LRRC28: variants seen among roughly 807,000 people sequenced by gnomAD.
LRRC28 encodes the protein leucine rich repeat containing 28, also known as leucine-rich repeat-containing protein 28.
LRRC28 carries 39 observed loss-of-function variants against 45.7 expected under a neutral mutation model. The observed-to-expected ratio is 0.85, with a 90% CI of 0.66 to 1.12. The LOEUF (loss-of-function observed/expected upper bound fraction) is 1.12, where lower values mean the gene tolerates loss of function less well. LRRC28 is among the 50% of genes most tolerant of loss of function. The pLI is 0.00. For synonymous variants in LRRC28, 206 were observed against 178.8 expected, an observed-to-expected ratio of 1.15 and a Z score of -1.22; for missense variants, 435 against 438.5, an observed-to-expected ratio of 0.99 and a Z score of 0.07.
At chr15:99,338,955 CA>C (rs1474341821) in intron 6 of LRRC28, among the ~76,000 whole-genome samples, 2 of 152,122 alleles carry the variant, frequency 1.3e-5, no homozygotes, top group Non-Finnish European at 2.9e-5. Context: ...GAAGATTCTA[CA>C]GATAGAAGCT....
At position 99,347,241 on chromosome 15, in the gene LRRC28, C is replaced by G. The variant is rs375860200; in HGVS notation, c.593-5128C>G. ...TTTGTCTTTTTTTAGATGGAGTCTC[C>G]CTCTGTCACCCAGGCTGGAGTGCAG... On this transcript the variant is annotated intron_variant, in intron 6 of 9. Transcript: ENST00000301981. Among the ~76,000 whole-genome samples the G allele has an allele frequency of 1.1e-3, 160 of 151,570 alleles. 2 individuals carry two copies. The East Asian group carries it at 0.015, about 14-fold the overall frequency.
At chr15:99,367,059 A>G (rs952006567) in intron 9 of LRRC28, among the ~76,000 whole-genome samples, 1 of 152,176 alleles carries the variant, frequency 6.6e-6, no homozygotes, top group Non-Finnish European at 1.5e-5. Context: ...TCTAGACACT[A>G]TCTTACTGGA....
At chr15:99,307,616 T>G (rs1955234143) in intron 5 of LRRC28, among the ~76,000 whole-genome samples, 1 of 152,104 alleles carries the variant, frequency 6.6e-6, no homozygotes, top group Non-Finnish European at 1.5e-5. Context: ...CTCAATAAAT[T>G]TACCTTCTTC....
At chr15:99,283,407 T>C (rs1417073252) in intron 3 of LRRC28, among the ~76,000 whole-genome samples, 1 of 146,606 alleles carries the variant, frequency 6.8e-6, no homozygotes, top group East Asian at 2.1e-4. Flanking sequence ...AGGTCAGGAG[T>C]TTGAGACCAG....
intron 3 of LRRC28, among the ~76,000 whole-genome samples, chr15:99,279,886 A>AG (rs1259013549): frequency 6.6e-6 from 1 of 152,164 alleles, no homozygotes; most frequent in Non-Finnish European, 1.5e-5. Flanking sequence ...TTTGTAAAAA[A>AG]CTGCCGGTTT....
intron 2 of LRRC28, among the ~76,000 whole-genome samples, chr15:99,269,094 C>T (rs747799740): frequency 6.6e-5 from 10 of 151,966 alleles, no homozygotes; most frequent in Non-Finnish European, 1.5e-4. Context: ...ATTTTGAGCT[C>T]ATTCTGTAAG....
At chr15:99,270,066 T>G (rs986713177) in intron 2 of LRRC28, among the ~76,000 whole-genome samples, 2 of 152,174 alleles carry the variant, frequency 1.3e-5, no homozygotes, top group South Asian at 4.1e-4. Flanking sequence ...AATGGACAAG[T>G]TGAAAAGAGG....
intron 5 of LRRC28, among the ~76,000 whole-genome samples, chr15:99,322,447 G>A (rs1955831428): frequency 6.6e-6 from 1 of 151,956 alleles, no homozygotes; most frequent in Non-Finnish European, 1.5e-5. Context: ...GATTCAGTAT[G>A]GATTTTGGAA....
intron 6 of LRRC28, among the ~76,000 whole-genome samples, chr15:99,351,092 AC>A (rs929017799): frequency 6.6e-6 from 1 of 150,386 alleles, no homozygotes; most frequent in African/African-American, 2.4e-5. Context: ...AAGCACCACC[AC>A]CCCCCACCCC....
intron 9 of LRRC28, among the ~76,000 whole-genome samples, chr15:99,365,228 A>G (rs1957308249): frequency 6.6e-6 from 1 of 152,240 alleles, no homozygotes; most frequent in South Asian, 2.1e-4. Flanking sequence ...CCCTGCTACA[A>G]CTTAGAAATG....
intron 9 of LRRC28, among the ~76,000 whole-genome samples, chr15:99,369,184 C>T (rs917093891): frequency 7.2e-5 from 11 of 152,094 alleles, no homozygotes; most frequent in Non-Finnish European, 1.5e-4. Context: ...ACATTAGAAA[C>T]TTTATAGCTC....
intron 6 of LRRC28, among the ~76,000 whole-genome samples, chr15:99,339,595 G>A (rs1188558500): frequency 6.6e-6 from 1 of 152,032 alleles, no homozygotes; most frequent in Non-Finnish European, 1.5e-5. Context: ...GCTGGGTGTG[G>A]TGGCAGACAC....
At chr15:99,276,051 G>T (rs2081609083) in intron 2 of LRRC28, among the ~76,000 whole-genome samples, 1 of 151,886 alleles carries the variant, frequency 6.6e-6, no homozygotes, top group Non-Finnish European at 1.5e-5. Context: ...ATTGTGAACT[G>T]CACATGTGAG....
chr15:99,311,836 G>A (rs184292654), intron 5 of LRRC28, among the ~76,000 whole-genome samples: 19 of 152,216 alleles, frequency 1.2e-4, no homozygotes, highest in Admixed American at 1.0e-3. Context: ...AATATAAAGG[G>A]CTGAATATGT....
chr15:99,263,881 C>T (rs2081265915), intron 2 of LRRC28, among the ~76,000 whole-genome samples: 1 of 152,062 alleles, frequency 6.6e-6, no homozygotes, highest in Non-Finnish European at 1.5e-5. Flanking sequence ...ATGGAATTTT[C>T]ATTTGTTGGA....
chr15:99,302,524 G>A lies in LRRC28; in HGVS notation c.385+14573G>A, dbSNP rs563426159. 2.6e-5 allele frequency among the ~76,000 whole-genome samples: 4 copies of A among 152,288 alleles called. No homozygotes were observed. The South Asian group carries it at 8.3e-4, about 32-fold the overall frequency. ...CTGCCTCAGCTTCCCAAGTAGCTGG[G>A]ATTACAGGCATGTGCCACCAAGCTA... On this transcript the variant is annotated intron_variant, in intron 5 of 9. Transcript: ENST00000301981.
intron 9 of LRRC28, among the ~76,000 whole-genome samples, chr15:99,382,367 C>T (rs1293385337): frequency 6.6e-6 from 1 of 152,106 alleles, no homozygotes; most frequent in African/African-American, 2.4e-5. Context: ...GCCGTTTGCT[C>T]AGTTGGAAAT....
intron 2 of LRRC28, among the ~76,000 whole-genome samples, chr15:99,264,115 C>G (rs1247007143): frequency 2.0e-5 from 3 of 152,358 alleles, no homozygotes; most frequent in Non-Finnish European, 2.9e-5. Context: ...CATGAGAACA[C>G]ACAGAACAAA....
chr15:99,319,659 GTT>G (rs772501941), intron 5 of LRRC28, among the ~76,000 whole-genome samples: 1 of 148,132 alleles, frequency 6.8e-6, no homozygotes. Context: ...AAACAGTGTG[GTT>G]TTTTTTTTTA....
Sources: gnomAD v4.1 joint callset for allele counts (sites outside exome capture counted in the v4.1 genomes callset) on GRCh38, gnomAD v4.1.1 for gene constraint, MANE v1.5 for transcripts, NCBI Gene and HGNC (gene_info 2026-07-23, HGNC 2026-07-21) for gene names.